FXR1: variants seen among roughly 807,000 people sequenced by gnomAD.
FXR1 encodes RNA-binding protein FXR1.
FXR1 carries 15 observed loss-of-function variants against 84.0 expected under a neutral mutation model. The ratio of observed to expected loss-of-function variants is 0.18; its 90% CI spans 0.12 to 0.27. The LOEUF (loss-of-function observed/expected upper bound fraction) is 0.27. Among genes scored for constraint, FXR1 ranks in the 10% least tolerant of loss-of-function variants. The pLI, the probability that FXR1 is intolerant of heterozygous loss-of-function variation, is 1.00. For synonymous variants in FXR1, 245 were observed against 250.7 expected (o/e 0.98, Z 0.21); for missense variants, 480 against 774.4 (o/e 0.62, Z 4.51).
rs775041407 is a variant in FXR1, at chr3:180,982,032, A to G, written c.*5740A>G. 3.3e-5 allele frequency: 5 copies of G among 152,096 alleles called. No homozygotes were observed. Among genetic ancestry groups the G allele is most frequent in the Admixed American group, 6.6e-5 (1 of 15,258 alleles). The allele number at this position is 152,096 out of a possible 1,614,324, so 9.4% of individuals were successfully genotyped here. A position where few individuals can be genotyped will look rare whatever the true frequency, so the allele number is the denominator to read the frequency against. On this transcript the variant is annotated 3_prime_UTR_variant, in exon 17 of 17. Coordinates refer to ENST00000357559, the MANE Select transcript of FXR1 (RefSeq NM_005087.4). ...CTCACATCTCAGTACTATCAAGGAA[A>G]ACATGCTTAGGTTATCAGAATTGTG...
At chr3:180,927,396 G>T (rs1436541044) in intron 1 of FXR1, among the ~76,000 whole-genome samples, 1 of 152,036 alleles carries the variant, frequency 6.6e-6, no homozygotes, top group Non-Finnish European at 1.5e-5. Flanking sequence ...CTCATACAGT[G>T]TCATTAGGTC....
At chr3:180,961,052 T>A (rs1368576900) in intron 10 of FXR1, among the ~76,000 whole-genome samples, 2 of 152,104 alleles carry the variant, frequency 1.3e-5, no homozygotes, top group African/African-American at 2.4e-5. Context: ...ATATTGGGGC[T>A]GGGTACAGTG....
intron 3 of FXR1, among the ~76,000 whole-genome samples, chr3:180,935,948 A>G (rs1396457617): frequency 6.6e-6 from 1 of 151,942 alleles, no homozygotes; most frequent in Non-Finnish European, 1.5e-5. Flanking sequence ...TTGCAGTGCA[A>G]TGGCGCGATC....
intron 3 of FXR1, among the ~76,000 whole-genome samples, chr3:180,936,938 G>T (rs936839385): frequency 1.4e-4 from 21 of 152,112 alleles, no homozygotes; most frequent in Admixed American, 1.2e-3. Context: ...GGTGGCATCT[G>T]GGGGAGACAC....
intron 1 of FXR1, among the ~76,000 whole-genome samples, chr3:180,925,087 G>A (rs1198800280): frequency 6.6e-6 from 1 of 152,054 alleles, no homozygotes; most frequent in African/African-American, 2.4e-5. Context: ...CTCCTGGCCG[G>A]GCGCGATGGC....
chr3:180,952,809 TTAAA>T (rs1560005350), intron 8 of FXR1, among the ~76,000 whole-genome samples: 1 of 150,056 alleles, frequency 6.7e-6, no homozygotes, highest in African/African-American at 2.5e-5. Flanking sequence ...GTTTTAAAAT[TTAAA>T]AAAAATTTTA....
At chr3:180,928,108 G>C (rs947020257) in intron 1 of FXR1, among the ~76,000 whole-genome samples, 1 of 148,434 alleles carries the variant, frequency 6.7e-6, no homozygotes, top group Non-Finnish European at 1.5e-5. Context: ...TTTGAAGTTT[G>C]AATGTTTTAT....
At chr3:180,952,067 A>G (rs894617066) in intron 8 of FXR1, among the ~76,000 whole-genome samples, 1 of 152,126 alleles carries the variant, frequency 6.6e-6, no homozygotes, top group Non-Finnish European at 1.5e-5. Context: ...ATACACATGC[A>G]TCTTATCTAT....
chr3:180,964,350 T>C (rs894268193), intron 13 of FXR1, among the ~76,000 whole-genome samples: 1 of 152,198 alleles, frequency 6.6e-6, no homozygotes, highest in African/African-American at 2.4e-5. Flanking sequence ...CTTGGCTTAT[T>C]GGATGATGCG....
chr3:180,969,117 A>G (rs1287453271), intron 14 of FXR1, among the ~76,000 whole-genome samples: 1 of 149,054 alleles, frequency 6.7e-6, no homozygotes, highest in East Asian at 2.0e-4. Flanking sequence ...CAGGGCAAAA[A>G]TTAGGAACTT....
At chr3:180,941,289 T>C (rs1721095116) in intron 3 of FXR1, among the ~76,000 whole-genome samples, 1 of 151,858 alleles carries the variant, frequency 6.6e-6, no homozygotes. Flanking sequence ...CCTCCCGGGC[T>C]CAAGGGATCT....
chr3:180,915,065 C>A, intron 1 of FXR1: 1 of 298,414 alleles, frequency 3.4e-6, no homozygotes, highest in Non-Finnish European at 5.0e-6. Flanking sequence ...ACATGAGGGG[C>A]TTGAAGTAGT....
chr3:180,926,882 G>A (rs1255944175), intron 1 of FXR1, among the ~76,000 whole-genome samples: 1 of 151,948 alleles, frequency 6.6e-6, no homozygotes, highest in East Asian at 1.9e-4. Context: ...CCAGTCAAAG[G>A]AATTTTTCTA....
At chr3:180,927,983 CT>C (rs1719429689) in intron 1 of FXR1, among the ~76,000 whole-genome samples, 1 of 151,904 alleles carries the variant, frequency 6.6e-6, no homozygotes, top group African/African-American at 2.4e-5. Context: ...GGGTAGTATA[CT>C]TTTATCAAAC....
intron 1 of FXR1, 165 bp from the exon 2 acceptor site, chr3:180,933,169 A>T: frequency 1.8e-6 from 1 of 571,346 alleles, no homozygotes; most frequent in South Asian, 2.3e-5. Flanking sequence ...AACTTAAAAG[A>T]TCATGTGTCT....
At chr3:180,944,927 A>G (rs1000757506) in intron 3 of FXR1, among the ~76,000 whole-genome samples, 1 of 152,236 alleles carries the variant, frequency 6.6e-6, no homozygotes, top group African/African-American at 2.4e-5. Flanking sequence ...GCATGGCCTT[A>G]TTAGACATTT....
chr3:180,943,036 G>A (rs1232021595), intron 3 of FXR1, among the ~76,000 whole-genome samples: 3 of 151,860 alleles, frequency 2.0e-5, no homozygotes, highest in Admixed American at 6.6e-5. Flanking sequence ...GCGTGATCTC[G>A]GCTCACTGCA....
At chr3:180,935,255 C>T (rs1720386664) in intron 3 of FXR1, 24 bp downstream of exon 3, 1 of 1,016,072 alleles carries the variant, frequency 9.8e-7, no homozygotes, top group Admixed American at 1.9e-5. Context: ...AGTTTATTTT[C>T]TTGTGTCTAT....
chr3:180,969,548 G>A (rs1055662457), intron 14 of FXR1, among the ~76,000 whole-genome samples: 5 of 152,086 alleles, frequency 3.3e-5, no homozygotes, highest in East Asian at 3.8e-4. Flanking sequence ...GTCAGCATTC[G>A]TTTCAACATT....
Sources: allele counts gnomAD v4.1 joint callset (sites outside exome capture counted in the v4.1 genomes callset), GRCh38; gene constraint gnomAD v4.1.1; transcripts MANE v1.5; gene names NCBI Gene and HGNC (gene_info 2026-07-23, HGNC 2026-07-21).